The following ADAMTS9 variants were observed in gnomAD, a reference collection of about 807,000 sequenced individuals.
The protein encoded by ADAMTS9 is ADAM metallopeptidase with thrombospondin type 1 motif 9.
Under a neutral mutation model 257.1 loss-of-function variants are expected in ADAMTS9, and 107 were observed. The observed-to-expected ratio is 0.42, with a 90% CI of 0.36 to 0.49. The LOEUF (loss-of-function observed/expected upper bound fraction) is 0.49. ADAMTS9 is among the 20% of genes least tolerant of loss of function. The pLI, the probability that ADAMTS9 is intolerant of heterozygous loss-of-function variation, is 0.03. For synonymous variants in ADAMTS9, 982 were observed against 880.9 expected, an observed-to-expected ratio of 1.11 and a Z score of -2.03; for missense variants, 2,353 against 2,469.1, an observed-to-expected ratio of 0.95 and a Z score of 1.00.
At position 64,516,745 on chromosome 3, in the gene ADAMTS9, G is replaced by T. The variant is rs1033925739; in HGVS notation, c.*382C>A. ...TTTTAAAAAAATTCATTTTAAAAAA[G>T]TAACAATAAAACATTTACAGATGAA... On this transcript the variant is annotated 3_prime_UTR_variant, in exon 40 of 40. Coordinates refer to ENST00000498707, the MANE Select transcript of ADAMTS9 (RefSeq NM_182920.2). 1 of 152,486 alleles carries T rather than the reference G, an allele frequency of 6.6e-6. No individual in the cohort carries two copies. The highest frequency in any genetic ancestry group is 2.4e-5 in the African/African-American group (1 of 41,420). The allele number at this position is 152,486 out of a possible 1,614,324, so 9.4% of individuals were successfully genotyped here.
In ADAMTS9 at chr3:64,597,018, C is replaced by T. The variant is rs773652088; in HGVS notation, c.4018-27G>A. On this transcript the variant is annotated intron_variant, in intron 26 of 39. Coordinates refer to ENST00000498707, the MANE Select transcript of ADAMTS9 (RefSeq NM_182920.2). ...TAAACACATCAGTCGACAAGTTAAT[C>T]CCCACCTCAATCTCCATCTTAGGGA... 6.8e-6 allele frequency: 11 copies of T among 1,608,276 alleles called. No homozygotes were observed. The East Asian group carries it at 2.0e-4, about 30-fold the overall frequency.
At chr3:64,620,174 G>A (rs939035213) in intron 19 of ADAMTS9, among the ~76,000 whole-genome samples, 9 of 152,056 alleles carry the variant, frequency 5.9e-5, no homozygotes, top group South Asian at 2.1e-4. Flanking sequence ...TATGACACTC[G>A]TACCATAACT....
At chr3:64,667,716 CA>C (rs1226778059) in intron 3 of ADAMTS9, among the ~76,000 whole-genome samples, 1 of 152,160 alleles carries the variant, frequency 6.6e-6, no homozygotes, top group East Asian at 1.9e-4. Context: ...GTGATAACAA[CA>C]ATGACTATAG....
At chr3:64,543,521 T>C (rs2083155329) in intron 32 of ADAMTS9, among the ~76,000 whole-genome samples, 1 of 152,152 alleles carries the variant, frequency 6.6e-6, no homozygotes, top group Non-Finnish European at 1.5e-5. Context: ...AAAAACCATA[T>C]GATTATCTCA....
Position 64,654,364 on chromosome 3 carries a change from C to T in ADAMTS9, c.1305G>A (p.Glu435=), listed in dbSNP as rs372143244. 1 of 1,613,852 alleles carries T rather than the reference C, an allele frequency of 6.2e-7. No homozygotes were observed. The highest frequency in any genetic ancestry group is 1.7e-5 in the Admixed American group (1 of 59,998). The change falls in exon 8 of 40, where the codon GAG becomes GAA. Residue 435 remains glutamate (E), a synonymous_variant. Transcript: ENST00000498707. The part of the protein sequence containing the change: ...GLSTAFTIAH[E]LGHVFNMPHD... ...GAAAGGTAACTCACACATGGCCCAGCTCATGGGCGATCGTAAAAGCTGTAC... is the reference window on the plus strand; with the variant it reads ...GAAAGGTAACTCACACATGGCCCAGTTCATGGGCGATCGTAAAAGCTGTAC...
chr3:64,566,324 A>G (rs2083544995), intron 29 of ADAMTS9, among the ~76,000 whole-genome samples: 1 of 152,194 alleles, frequency 6.6e-6, no homozygotes, highest in Non-Finnish European at 1.5e-5. Context: ...TTACCCATGC[A>G]GTACTTTGTC....
chr3:64,530,181 A>T (rs1311902957), intron 38 of ADAMTS9, among the ~76,000 whole-genome samples: 1 of 151,944 alleles, frequency 6.6e-6, no homozygotes, highest in African/African-American at 2.4e-5. Flanking sequence ...TGAGTTTGAG[A>T]ACCACTGCTT....
intron 19 of ADAMTS9, among the ~76,000 whole-genome samples, chr3:64,616,486 G>A (rs2084768070): frequency 6.6e-6 from 1 of 151,928 alleles, no homozygotes; most frequent in South Asian, 2.1e-4. Flanking sequence ...ATTAAAACCT[G>A]TGTACATTAT....
intron 32 of ADAMTS9, among the ~76,000 whole-genome samples, chr3:64,545,409 C>G (rs1559756402): frequency 6.6e-6 from 1 of 152,114 alleles, no homozygotes; most frequent in Admixed American, 6.5e-5. Flanking sequence ...ACATATACAC[C>G]ATGGAGTACT....
chr3:64,624,986 G>A (rs1700192807), intron 16 of ADAMTS9, among the ~76,000 whole-genome samples: 1 of 152,090 alleles, frequency 6.6e-6, no homozygotes, highest in African/African-American at 2.4e-5. Flanking sequence ...AAAAATTTGG[G>A]CTCTGAACAA....
chr3:64,594,830 A>T (rs1216873647), intron 27 of ADAMTS9, among the ~76,000 whole-genome samples: 2 of 152,150 alleles, frequency 1.3e-5, no homozygotes, highest in Non-Finnish European at 2.9e-5. Flanking sequence ...TCTGTCATCC[A>T]GGCTGGAATG....
At chr3:64,680,802 A>C (rs1363227876) in intron 3 of ADAMTS9, among the ~76,000 whole-genome samples, 1 of 152,192 alleles carries the variant, frequency 6.6e-6, no homozygotes, top group East Asian at 1.9e-4. Flanking sequence ...GAAACAAACA[A>C]AAAACACCCA....
At chr3:64,658,245 G>A (rs1265884677) in intron 4 of ADAMTS9, among the ~76,000 whole-genome samples, 1 of 152,214 alleles carries the variant, frequency 6.6e-6, no homozygotes, top group African/African-American at 2.4e-5. Flanking sequence ...TCACCTGGCA[G>A]CGTTGCCAGA....
chr3:64,616,602 C>T (rs904532893), intron 19 of ADAMTS9, among the ~76,000 whole-genome samples: 1 of 152,028 alleles, frequency 6.6e-6, no homozygotes, highest in South Asian at 2.1e-4. Context: ...TCTCTGTCAC[C>T]TTTGTATCCA....
chr3:64,516,611 T>C lies in ADAMTS9; in HGVS notation c.*516A>G, dbSNP rs2082778232. On this transcript the variant is annotated 3_prime_UTR_variant, in exon 40 of 40. Transcript: ENST00000498707. Reference sequence around the variant, plus strand: ...AATACTTATTTAACATAGTTAATAGTTGGTACAATCTGTGATATCACTAAC... The same window carrying C: ...AATACTTATTTAACATAGTTAATAGCTGGTACAATCTGTGATATCACTAAC... 6.6e-6 allele frequency: 1 copy of C among 152,646 alleles called. No homozygotes were observed. Among genetic ancestry groups the C allele is most frequent in the African/African-American group, 2.4e-5 (1 of 41,444 alleles). The allele number at this position is 152,646 out of a possible 1,614,324, so 9.5% of individuals were successfully genotyped here. A position where few individuals can be genotyped will look rare whatever the true frequency, so the allele number is the denominator to read the frequency against.
intron 32 of ADAMTS9, among the ~76,000 whole-genome samples, chr3:64,545,841 C>T (rs974645736): frequency 3.3e-5 from 5 of 152,076 alleles, no homozygotes; most frequent in African/African-American, 9.7e-5. Context: ...CATGGTCCGC[C>T]GACCATGGCC....
chr3:64,548,301 C>T (rs1406361068), intron 31 of ADAMTS9, among the ~76,000 whole-genome samples: 1 of 152,230 alleles, frequency 6.6e-6, no homozygotes, highest in East Asian at 1.9e-4. Flanking sequence ...CCAGTTGGCT[C>T]GAGACATAGA....
intron 18 of ADAMTS9, among the ~76,000 whole-genome samples, chr3:64,621,632 T>C (rs1279916580): frequency 6.6e-6 from 1 of 151,818 alleles, no homozygotes; most frequent in African/African-American, 2.4e-5. Context: ...CATGGTGGCA[T>C]GCACCTGTGA....
intron 19 of ADAMTS9, among the ~76,000 whole-genome samples, chr3:64,616,855 G>C (rs1216237747): frequency 1.3e-5 from 2 of 152,114 alleles, no homozygotes; most frequent in Non-Finnish European, 2.9e-5. Flanking sequence ...TTTCACTCTT[G>C]ACTGTTCACT....
Sources: allele counts gnomAD v4.1 joint callset (sites outside exome capture counted in the v4.1 genomes callset), GRCh38; gene constraint gnomAD v4.1.1; transcripts MANE v1.5; gene names NCBI Gene and HGNC (gene_info 2026-07-23, HGNC 2026-07-21).